SAMD5: variants seen among roughly 807,000 people sequenced by gnomAD.
SAMD5 encodes the protein sterile alpha motif domain containing 5.
SAMD5 carries 13 observed loss-of-function variants against 11.3 expected under a neutral mutation model. That is an observed-to-expected ratio of 1.15 (90% CI 0.75 to 1.83). The LOEUF is 1.83. Ranked by LOEUF, SAMD5 falls within the 40% of genes most tolerant of loss-of-function variation. SAMD5 has a pLI of 0.00. For synonymous variants in SAMD5, 129 were observed against 111.3 expected, an observed-to-expected ratio of 1.16 and a Z score of -1.00; for missense variants, 255 against 239.1, an observed-to-expected ratio of 1.07 and a Z score of -0.44.
rs143077509 is a variant in SAMD5, at chr6:147,718,341, G to A, written c.163-18976G>A. ...TCACACATTGCACCTGGAGAATGCG[G>A]ATGTCTCCAAAGGCTCCTTTACAGT... On this transcript the variant is annotated intron_variant, in intron 1 of 1. Transcript: ENST00000566741. Among the ~76,000 whole-genome samples the A allele has an allele frequency of 2.3e-3, 347 of 152,262 alleles. 1 individual carries two copies. Among genetic ancestry groups the A allele is most frequent in the African/African-American group, 7.7e-3 (319 of 41,558 alleles).
chr6:147,737,872 T>C (rs939861293), downstream of SAMD5, among the ~76,000 whole-genome samples: 1 of 151,986 alleles, frequency 6.6e-6, no homozygotes, highest in Admixed American at 6.6e-5. Flanking sequence ...ACATCGGTTA[T>C]TTCCTAATCT....
the SAMD5 span, among the ~76,000 whole-genome samples, chr6:147,747,538 G>A: frequency 1.3e-5 from 2 of 151,944 alleles, no homozygotes; most frequent in South Asian, 2.1e-4. Context: ...TTTTTGAGAC[G>A]GGGTCTCTAT....
At chr6:147,544,744 T>C (rs1788659814) in intron 1 of SAMD5, among the ~76,000 whole-genome samples, 1 of 152,212 alleles carries the variant, frequency 6.6e-6, no homozygotes, top group African/African-American at 2.4e-5. Flanking sequence ...TTTTTGCATA[T>C]CATTATTTGC....
intron 1 of SAMD5, among the ~76,000 whole-genome samples, chr6:147,587,226 T>C (rs1205639432): frequency 1.3e-5 from 2 of 152,060 alleles, no homozygotes; most frequent in African/African-American, 4.8e-5. Flanking sequence ...CAATGACTAT[T>C]TTTGTTTGTT....
chr6:147,775,919 C>G, the SAMD5 span, among the ~76,000 whole-genome samples: 12 of 152,122 alleles, frequency 7.9e-5, no homozygotes, highest in African/African-American at 1.2e-4. Flanking sequence ...ATTAGGAGGA[C>G]TTGATTAGTT....
chr6:147,687,377 G>C (rs1791033476), intron 1 of SAMD5, among the ~76,000 whole-genome samples: 1 of 149,430 alleles, frequency 6.7e-6, no homozygotes. Flanking sequence ...TGACCTCCCG[G>C]GTTCAAGTCC....
chr6:147,954,424 C>G, the SAMD5 span, among the ~76,000 whole-genome samples: 39,767 of 152,020 alleles, frequency 0.26, 6,215 homozygotes, highest in African/African-American at 0.44. Flanking sequence ...TTTCTTATCT[C>G]CTAGTGACAC....
At chr6:147,570,667 AAAT>A (rs1789123386), downstream of SAMD5, among the ~76,000 whole-genome samples, 1 of 134,742 alleles carries the variant, frequency 7.4e-6, no homozygotes, top group African/African-American at 3.4e-5. Flanking sequence ...CATTTAAATC[AAAT>A]CATGTGCATG....
the SAMD5 span, among the ~76,000 whole-genome samples, chr6:147,771,149 G>A: frequency 6.6e-6 from 1 of 152,166 alleles, no homozygotes; most frequent in Non-Finnish European, 1.5e-5. Context: ...ACAACAAGAT[G>A]AAAAATGGTA....
chr6:147,814,161 A>T, the SAMD5 span, among the ~76,000 whole-genome samples: 1 of 152,184 alleles, frequency 6.6e-6, no homozygotes, highest in Non-Finnish European at 1.5e-5. Flanking sequence ...AAACATTAGT[A>T]TGCTTCATTT....
intron 1 of SAMD5, among the ~76,000 whole-genome samples, chr6:147,657,298 A>T (rs954692132): frequency 6.6e-6 from 1 of 152,206 alleles, no homozygotes; most frequent in African/African-American, 2.4e-5. Flanking sequence ...ATTAGATACA[A>T]TTATTACATT....
chr6:147,639,810 TG>T (rs1432439604), intron 1 of SAMD5, among the ~76,000 whole-genome samples: 4 of 152,210 alleles, frequency 2.6e-5, no homozygotes, highest in Non-Finnish European at 5.9e-5. Flanking sequence ...TTGGCAGTCA[TG>T]CTCTAAAAAC....
At chr6:147,523,544 T>G (rs985474846) in intron 1 of SAMD5, among the ~76,000 whole-genome samples, 1 of 152,194 alleles carries the variant, frequency 6.6e-6, no homozygotes, top group Non-Finnish European at 1.5e-5. Context: ...CAATACAGAA[T>G]GGAACACTGC....
chr6:147,909,598 T>TCTCTCTCTCTCTCTCTC, the SAMD5 span, among the ~76,000 whole-genome samples: 1 of 59,624 alleles, frequency 1.7e-5, no homozygotes, highest in African/African-American at 8.7e-5. Context: ...CTTTCTTTCT[T>TCTCTCTCTCTCTCTCTC]TCTTTCTTTC....
intron 1 of SAMD5, among the ~76,000 whole-genome samples, chr6:147,735,345 A>T (rs9373534): frequency 0.42 from 63,965 of 151,564 alleles, 15,763 homozygotes; most frequent in Middle Eastern, 0.57. Context: ...TGTGGCTTTG[A>T]TTGTTATCGG....
chr6:147,696,239 T>C (rs753176710), intron 1 of SAMD5, among the ~76,000 whole-genome samples: 12 of 152,164 alleles, frequency 7.9e-5, no homozygotes, highest in Non-Finnish European at 1.6e-4. Context: ...TCCTTATCCT[T>C]TTACTCATTC....
chr6:147,638,158 G>T (rs912135183), intron 1 of SAMD5, among the ~76,000 whole-genome samples: 4 of 151,910 alleles, frequency 2.6e-5, no homozygotes, highest in Non-Finnish European at 4.4e-5. Flanking sequence ...AAAATATAGC[G>T]TAATGCAAAG....
the SAMD5 span, among the ~76,000 whole-genome samples, chr6:147,892,893 G>T: frequency 3.3e-5 from 5 of 152,144 alleles, no homozygotes; most frequent in Non-Finnish European, 5.9e-5. Flanking sequence ...GGCACTTTTT[G>T]AATAATAAAA....
chr6:147,843,474 AC>A, the SAMD5 span, among the ~76,000 whole-genome samples: 1 of 152,202 alleles, frequency 6.6e-6, no homozygotes, highest in African/African-American at 2.4e-5. Flanking sequence ...GTCATTCTTC[AC>A]AGAAATTTTT....
Sources: gnomAD v4.1 joint callset for allele counts (sites outside exome capture counted in the v4.1 genomes callset) on GRCh38, gnomAD v4.1.1 for gene constraint, MANE v1.5 for transcripts, NCBI Gene and HGNC (gene_info 2026-07-23, HGNC 2026-07-21) for gene names.